MAP3K19: variants seen among roughly 807,000 people sequenced by gnomAD.
MAP3K19 encodes the protein mitogen-activated protein kinase kinase kinase 19.
In MAP3K19, 91 loss-of-function variants were observed where a neutral mutation model predicts 114.4. The observed-to-expected ratio is 0.80, with a 90% CI of 0.67 to 0.95. MAP3K19 has a LOEUF of 0.95. MAP3K19 is among the 40% of genes least tolerant of loss of function. The pLI is 0.00. For missense variants in MAP3K19, 1,471 were observed against 1,573.2 expected (o/e 0.94, Z 1.10); for synonymous variants, 518 against 530.5 (o/e 0.98, Z 0.32).
intron 6 of MAP3K19, among the ~76,000 whole-genome samples, chr2:135,002,613 T>A (rs75026463): frequency 0.073 from 6,521 of 89,842 alleles, 169 homozygotes; most frequent in African/African-American, 0.13. Context: ...ACACAGACTT[T>A]AAAAAAAAAA....
intron 1 of MAP3K19, among the ~76,000 whole-genome samples, chr2:135,045,565 ATAT>A (rs1688726485): frequency 6.6e-6 from 1 of 152,262 alleles, no homozygotes; most frequent in African/African-American, 2.4e-5. Flanking sequence ...ATAGATATTT[ATAT>A]CACACTTTAT....
At chr2:134,982,136 G>GTTTTTTTTTT (rs1684720278) in intron 11 of MAP3K19, among the ~76,000 whole-genome samples, 1 of 83,150 alleles carries the variant, frequency 1.2e-5, no homozygotes, top group African/African-American at 5.4e-5. Context: ...TTTTTTTTTG[G>GTTTTTTTTTT]AGACAGAGTC....
intron 9 of MAP3K19, among the ~76,000 whole-genome samples, chr2:134,988,540 G>A (rs1180318083): frequency 6.6e-6 from 1 of 152,026 alleles, no homozygotes; most frequent in Non-Finnish European, 1.5e-5. Flanking sequence ...GCAGGCATGT[G>A]CCACTATGCT....
rs1685274903 is a variant in MAP3K19, at chr2:134,987,858, T to C, written c.1014A>G (p.Glu338=). ...CTTCCCTAACTGCAGGAATATTGCC[T>C]TCCTTCAAATTCTCAAAAGACACCA... is the stretch of plus-strand genomic sequence containing the variant. The part of the protein sequence containing the change: ...QSLVSFENLK[E]GNIPAVREED... The change falls in exon 10 of 13, where the codon GAA becomes GAG. Residue 338 remains glutamate (E), a synonymous_variant. Coordinates refer to ENST00000392915, the MANE Select transcript of MAP3K19 (RefSeq NM_025052.5). The C allele has an allele frequency of 6.2e-7, 1 of 1,612,118 alleles. No homozygotes were observed. The highest frequency in any genetic ancestry group is 1.1e-5 in the South Asian group (1 of 91,090).
At chr2:135,006,464 G>T (rs2105317864) in intron 5 of MAP3K19, among the ~76,000 whole-genome samples, 1 of 152,278 alleles carries the variant, frequency 6.6e-6, no homozygotes, top group South Asian at 2.1e-4. Flanking sequence ...TCCCAAGAGA[G>T]CTAGGAAATT....
chr2:134,965,380 T>C (rs1471673878), intron 12 of MAP3K19, among the ~76,000 whole-genome samples: 1 of 152,234 alleles, frequency 6.6e-6, no homozygotes, highest in East Asian at 1.9e-4. Context: ...TGGTGATTAA[T>C]TGAAATAATC....
chr2:134,992,537 G>A (rs1309930331), intron 8 of MAP3K19, among the ~76,000 whole-genome samples: 1 of 152,180 alleles, frequency 6.6e-6, no homozygotes, highest in Non-Finnish European at 1.5e-5. Flanking sequence ...GATGATGTGG[G>A]ACAGGAAGAC....
intron 9 of MAP3K19, among the ~76,000 whole-genome samples, chr2:134,990,706 T>A (rs114201679): frequency 0.28 from 42,666 of 151,720 alleles, 6,618 homozygotes; most frequent in Middle Eastern, 0.61. Context: ...CGATCTCTTA[T>A]CCTCGTGAAC....
At position 134,987,435 on chromosome 2, in the gene MAP3K19, A is replaced by G; in HGVS notation, c.1437T>C (p.Ser479=). 1 of 1,613,602 alleles carries G rather than the reference A, an allele frequency of 6.2e-7. No individual in the cohort carries two copies. Among genetic ancestry groups the G allele is most frequent in the Non-Finnish European group, 8.5e-7 (1 of 1,179,922 alleles). The part of the protein sequence containing the change: ...SIAERAKPEM[S]RMVPLIHITF... ...TGATGTGGATAAGAGGCACCATCCT[A>G]CTCATTTCTGGTTTGGCTCTTTCTG... The change falls in exon 10 of 13, where the codon AGT becomes AGC. Residue 479 remains serine, a synonymous_variant. Coordinates refer to ENST00000392915, the MANE Select transcript of MAP3K19 (RefSeq NM_025052.5).
chr2:134,990,209 T>C (rs1685462093), intron 9 of MAP3K19, among the ~76,000 whole-genome samples: 1 of 152,138 alleles, frequency 6.6e-6, no homozygotes, highest in Admixed American at 6.5e-5. Context: ...AGGAACTATA[T>C]GTGAGTTGTT....
chr2:135,046,259 A>C (rs1045892898), intron 1 of MAP3K19, among the ~76,000 whole-genome samples: 1 of 151,982 alleles, frequency 6.6e-6, no homozygotes. Flanking sequence ...TCAATTTTCC[A>C]TTTAGAATTG....
chr2:134,987,084 C>A lies in MAP3K19; in HGVS notation c.1788G>T (p.Gln596His). The A allele has an allele frequency of 6.2e-7, 1 of 1,613,132 alleles. No homozygotes were observed. Among genetic ancestry groups the A allele is most frequent in the South Asian group, 1.1e-5 (1 of 91,078 alleles). Residue 596 changes from glutamine (Q) to histidine (H), a missense_variant, in exon 10 of 13, where the codon CAG (glutamine) becomes CAT (histidine). By Grantham distance (24) the Gln-to-His change is conservative. Transcript: ENST00000392915. ...GGTGAGTTGATTGCTTCTTTGCTAT[C>A]TGTGGCATTTTCTTTTGAAACCTGG... ...QLPRFQKKMPQIAKKQSTHRT... is the reference protein window; with the variant it reads ...QLPRFQKKMPHIAKKQSTHRT...
chr2:135,021,084 T>TACAC (rs751329452), intron 5 of MAP3K19, among the ~76,000 whole-genome samples: 1 of 151,836 alleles, frequency 6.6e-6, no homozygotes, highest in African/African-American at 2.4e-5. Flanking sequence ...TGGAGACACA[T>TACAC]AGACACACAC....
chr2:135,002,303 T>C lies in MAP3K19; in HGVS notation c.236-2288A>G, dbSNP rs567988569. On this transcript the variant is annotated intron_variant, in intron 6 of 12. Transcript: ENST00000392915. ...AAAAATGATCATTAATTTGTTGTTG[T>C]TAGTGTCAAAACCATTATTAAAACA... Among the ~76,000 whole-genome samples, 21 of 152,344 alleles carry C rather than the reference T, an allele frequency of 1.4e-4. No homozygotes were observed. In the East Asian group the frequency reaches 4.0e-3, roughly 29 times the overall value.
chr2:135,037,238 T>C (rs529934639), intron 2 of MAP3K19, among the ~76,000 whole-genome samples: 4 of 152,336 alleles, frequency 2.6e-5, no homozygotes, highest in Admixed American at 2.0e-4. Context: ...CCTTAGGTGA[T>C]CCACCTGCCT....
At chr2:135,032,583 G>A (rs189673653) in intron 2 of MAP3K19, among the ~76,000 whole-genome samples, 4 of 129,938 alleles carry the variant, frequency 3.1e-5, no homozygotes, top group African/African-American at 1.3e-4. Flanking sequence ...AATGTTGTTT[G>A]TTTTTTTTTT....
intron 12 of MAP3K19, among the ~76,000 whole-genome samples, chr2:134,972,181 G>GAAC (rs1683926542): frequency 6.6e-6 from 1 of 151,664 alleles, no homozygotes; most frequent in Non-Finnish European, 1.5e-5. Context: ...TCAAATGGTA[G>GAAC]GTCTTATTCA....
intron 5 of MAP3K19, among the ~76,000 whole-genome samples, chr2:135,015,662 AG>A (rs1687535813): frequency 6.6e-6 from 1 of 152,114 alleles, no homozygotes; most frequent in Admixed American, 6.6e-5. Flanking sequence ...TAGGAGGCCG[AG>A]GTGGGTGGAT....
intron 5 of MAP3K19, among the ~76,000 whole-genome samples, chr2:135,019,962 C>G (rs970953314): frequency 2.6e-5 from 4 of 152,060 alleles, no homozygotes; most frequent in African/African-American, 4.8e-5. Flanking sequence ...GAGGAGGCAC[C>G]TCCTTTTTGG....
Sources: gnomAD v4.1 joint callset for allele counts (sites outside exome capture counted in the v4.1 genomes callset) on GRCh38, gnomAD v4.1.1 for gene constraint, MANE v1.5 for transcripts, NCBI Gene and HGNC (gene_info 2026-07-23, HGNC 2026-07-21) for gene names.